The following NOL10 variants were observed in gnomAD, a reference collection of about 807,000 sequenced individuals.
NOL10 encodes the protein nucleolar protein 10.
Under a neutral mutation model 103.5 loss-of-function variants are expected in NOL10, and 58 were observed. The ratio of observed to expected loss-of-function variants is 0.56; its 90% confidence interval spans 0.45 to 0.70. The LOEUF (loss-of-function observed/expected upper bound fraction) is 0.70. NOL10 is among the 30% of genes least tolerant of loss of function. NOL10 has a pLI of 0.00. For synonymous variants in NOL10, 287 were observed against 282.5 expected (o/e 1.02, Z -0.16); for missense variants, 763 against 807.3 (o/e 0.95, Z 0.67).
intron 13 of NOL10, among the ~76,000 whole-genome samples, chr2:10,619,053 A>G (rs1221161952): frequency 6.6e-6 from 1 of 152,268 alleles, no homozygotes; most frequent in Non-Finnish European, 1.5e-5. Context: ...AGAACATGCA[A>G]GCTTGGTGAA....
intron 3 of NOL10, 114 bp downstream of exon 3, chr2:10,681,857 G>C (rs1384250699): frequency 2.4e-6 from 1 of 422,062 alleles, no homozygotes; most frequent in African/African-American, 2.1e-5. Context: ...CAATATTTCT[G>C]TGTGTTTGAA....
intron 12 of NOL10, among the ~76,000 whole-genome samples, chr2:10,645,944 T>TATACAC (rs1679041082): frequency 6.8e-6 from 1 of 147,592 alleles, no homozygotes; most frequent in South Asian, 2.1e-4. Flanking sequence ...CACACACACA[T>TATACAC]ACACACACAC....
intron 19 of NOL10, among the ~76,000 whole-genome samples, chr2:10,578,793 G>A (rs1279310934): frequency 2.0e-5 from 3 of 152,262 alleles, no homozygotes; most frequent in Middle Eastern, 3.4e-3. Context: ...TTCTAGAAAT[G>A]GCTAAAGCAA....
At chr2:10,662,642 A>T (rs1021483561) in intron 9 of NOL10, among the ~76,000 whole-genome samples, 1 of 152,158 alleles carries the variant, frequency 6.6e-6, no homozygotes, top group Non-Finnish European at 1.5e-5. Flanking sequence ...TTCAAAGCAC[A>T]CCTCTGTGGA....
rs1675278228 is a variant in NOL10 at position 10,589,263 on chromosome 2, G to C, written c.1624C>G (p.Pro542Ala). 2 of 1,613,632 alleles carry C rather than the reference G, an allele frequency of 1.2e-6. No individual in the cohort carries two copies. ...CTCTCCGAACTTTCTGCATCACTTG[G>C]TTTTCCTTCCGGCTCTTCCTCCTCT... ...KEEEEEPEGK[P>A]SDAESSESSD... is the part of the protein sequence containing the mutation. Residue 542 changes from proline (P) to alanine (A), a missense_variant, in exon 19 of 21, where the codon CCA (proline) becomes GCA (alanine). Coordinates refer to ENST00000381685, the MANE Select transcript of NOL10 (RefSeq NM_024894.4).
chr2:10,672,932 G>A (rs999252690), intron 5 of NOL10, among the ~76,000 whole-genome samples: 2 of 152,096 alleles, frequency 1.3e-5, no homozygotes, highest in African/African-American at 4.8e-5. Context: ...GGCTGATGCT[G>A]CAATGAGCTG....
chr2:10,601,196 T>A (rs1445717410), intron 16 of NOL10, among the ~76,000 whole-genome samples: 1 of 151,572 alleles, frequency 6.6e-6, no homozygotes, highest in Non-Finnish European at 1.5e-5. Flanking sequence ...CCCGAGTAGC[T>A]GGGACCACAG....
At chr2:10,642,201 C>T (rs1678743371) in intron 13 of NOL10, among the ~76,000 whole-genome samples, 1 of 152,196 alleles carries the variant, frequency 6.6e-6, no homozygotes, top group African/African-American at 2.4e-5. Context: ...ATCTATACAG[C>T]TCTCTATCAA....
chr2:10,658,943 G>A (rs1389008662), intron 10 of NOL10, among the ~76,000 whole-genome samples: 1 of 152,128 alleles, frequency 6.6e-6, no homozygotes, highest in African/African-American at 2.4e-5. Context: ...GCCAGGTGTG[G>A]TGGTGCAGGC....
intron 10 of NOL10, among the ~76,000 whole-genome samples, chr2:10,658,266 G>T (rs1349253303): frequency 6.6e-6 from 1 of 152,222 alleles, no homozygotes; most frequent in African/African-American, 2.4e-5. Flanking sequence ...AGTCCTAGTA[G>T]ATCAAGACAG....
intron 13 of NOL10, among the ~76,000 whole-genome samples, chr2:10,630,045 T>C (rs1471692482): frequency 6.6e-6 from 1 of 152,130 alleles, no homozygotes; most frequent in African/African-American, 2.4e-5. Context: ...CACCTCATCC[T>C]CCCAAAGTAC....
chr2:10,604,297 C>A (rs2148188775), intron 14 of NOL10, among the ~76,000 whole-genome samples: 1 of 152,312 alleles, frequency 6.6e-6, no homozygotes, highest in Non-Finnish European at 1.5e-5. Flanking sequence ...GAAAGCATTA[C>A]TCTAATTTCC....
At chr2:10,612,024 G>A (rs1420865751) in intron 13 of NOL10, among the ~76,000 whole-genome samples, 2 of 152,170 alleles carry the variant, frequency 1.3e-5, no homozygotes, top group African/African-American at 2.4e-5. Context: ...CCAGGAGGGT[G>A]AGATAGGAGG....
At chr2:10,598,330 C>T (rs1164320286) in intron 17 of NOL10, among the ~76,000 whole-genome samples, 5 of 152,002 alleles carry the variant, frequency 3.3e-5, no homozygotes, top group African/African-American at 4.8e-5. Context: ...CTTCAGATAC[C>T]GAAGACAAAC....
intron 13 of NOL10, among the ~76,000 whole-genome samples, chr2:10,618,024 T>A (rs537671377): frequency 7.7e-6 from 1 of 130,384 alleles, no homozygotes; most frequent in South Asian, 2.4e-4. Flanking sequence ...CTCTGGACTG[T>A]ACACTTCATG....
intron 13 of NOL10, among the ~76,000 whole-genome samples, chr2:10,634,974 C>G (rs955626932): frequency 1.3e-5 from 2 of 151,922 alleles, no homozygotes; most frequent in African/African-American, 4.8e-5. Context: ...GCAATACAGG[C>G]TGAGTAGCCT....
intron 12 of NOL10, among the ~76,000 whole-genome samples, chr2:10,647,188 A>AGTATGCAGTGCACT (rs145906698): frequency 0.58 from 87,426 of 150,564 alleles, 25,820 homozygotes; most frequent in African/African-American, 0.71. Context: ...TATAGTGTAT[A>AGTATGCAGTGCACT]GTACGCTGTA....
At chr2:10,589,428 A>T (rs759402) in intron 18 of NOL10, 138 bp from the exon 19 acceptor site, 684,683 of 1,280,798 alleles carry the variant, frequency 0.53, 186,542 homozygotes, top group African/African-American at 0.75. Flanking sequence ...ATGCCTTTAA[A>T]TAAATAAGAT....
intron 13 of NOL10, among the ~76,000 whole-genome samples, chr2:10,607,538 G>A (rs1676323104): frequency 6.6e-6 from 1 of 151,966 alleles, no homozygotes; most frequent in Non-Finnish European, 1.5e-5. Context: ...CTTAGTCTAA[G>A]GTACAAAAGT....
Sources: gnomAD v4.1 joint callset for allele counts (sites outside exome capture counted in the v4.1 genomes callset) on GRCh38, gnomAD v4.1.1 for gene constraint, MANE v1.5 for transcripts, NCBI Gene and HGNC (gene_info 2026-07-23, HGNC 2026-07-21) for gene names.